KCND3: variants seen among roughly 807,000 people sequenced by gnomAD.
KCND3 encodes potassium voltage-gated channel subfamily D member 3, also known as A-type voltage-gated potassium channel KCND3.
A neutral mutation model predicts 51.1 loss-of-function variants in KCND3; 9 were observed. The observed-to-expected ratio is 0.18, with a 90% CI of 0.11 to 0.31. The LOEUF is 0.31. KCND3 is among the 10% of genes least tolerant of loss of function. The pLI is 1.00. For missense variants in KCND3, 526 were observed against 903.8 expected (o/e 0.58, Z 5.36); for synonymous variants, 349 against 368.0 (o/e 0.95, Z 0.59).
intron 2 of KCND3, among the ~76,000 whole-genome samples, chr1:111,857,362 G>GT (rs1333614241): frequency 6.6e-6 from 1 of 152,164 alleles, no homozygotes. Flanking sequence ...CACGGGGCTG[G>GT]TTTTGCTGAC....
At chr1:111,832,679 C>T (rs996150218) in intron 2 of KCND3, among the ~76,000 whole-genome samples, 1 of 152,124 alleles carries the variant, frequency 6.6e-6, no homozygotes. Flanking sequence ...TTCTGTGTGT[C>T]CCCGCTCCCC....
intron 2 of KCND3, among the ~76,000 whole-genome samples, chr1:111,878,706 CT>C (rs1207879659): frequency 1.1e-4 from 16 of 152,318 alleles, no homozygotes; most frequent in Admixed American, 5.9e-4. Flanking sequence ...CTCCTGCCCC[CT>C]GGAACAGCAG....
Position 111,777,136 on chromosome 1 carries a change from C to G in KCND3, c.1656G>C (p.Lys552Asn). The G allele has an allele frequency of 6.2e-7, 1 of 1,614,176 alleles. No individual in the cohort carries two copies. The highest frequency in any genetic ancestry group is 8.5e-7 in the Non-Finnish European group (1 of 1,180,024). Residue 552 changes from lysine to asparagine, a missense_variant, in exon 7 of 8, where the codon AAG becomes AAC. Lys to Asn is a moderately conservative substitution (Grantham distance 94). This residue lies in a region of KCND3 where 266 missense variants were observed against 305.5 expected (regional missense o/e 0.87). Transcript: ENST00000302127. ...LTTTCCSRRS[K>N]KTTHLPNSNL... ...TAGAATTGGGCAGGTGTGTGGTCTT[C>G]TTACTACGACGGGAGCAGCAGGTGG...
intron 2 of KCND3, among the ~76,000 whole-genome samples, chr1:111,790,853 C>A (rs1009034427): frequency 2.0e-5 from 3 of 152,194 alleles, no homozygotes; most frequent in African/African-American, 7.2e-5. Context: ...TGACTTCTTT[C>A]ACTGACTGTG....
intron 2 of KCND3, among the ~76,000 whole-genome samples, chr1:111,911,307 A>G (rs1670933709): frequency 6.6e-6 from 1 of 152,224 alleles, no homozygotes; most frequent in Non-Finnish European, 1.5e-5. Flanking sequence ...ATTTGGTATT[A>G]GAAGGCAGCA....
At chr1:111,916,053 G>A (rs1340642907) in intron 2 of KCND3, among the ~76,000 whole-genome samples, 1 of 152,114 alleles carries the variant, frequency 6.6e-6, no homozygotes. Context: ...TAAAAGACTT[G>A]AACAATCCCA....
intron 2 of KCND3, among the ~76,000 whole-genome samples, chr1:111,911,244 C>T (rs1408700039): frequency 6.6e-6 from 1 of 152,224 alleles, no homozygotes; most frequent in Admixed American, 6.5e-5. Flanking sequence ...TACTTCCTGG[C>T]TTGAAAGTAC....
At chr1:111,972,784 T>C (rs1205999713) in intron 2 of KCND3, among the ~76,000 whole-genome samples, 1 of 152,262 alleles carries the variant, frequency 6.6e-6, no homozygotes, top group Non-Finnish European at 1.5e-5. Flanking sequence ...TTTCTTTATT[T>C]CTCTATCCCC....
intron 2 of KCND3, among the ~76,000 whole-genome samples, chr1:111,915,443 A>G (rs1671151568): frequency 6.6e-6 from 1 of 152,190 alleles, no homozygotes; most frequent in African/African-American, 2.4e-5. Flanking sequence ...AGATATACCA[A>G]GAAAAGACTG....
intron 3 of KCND3, among the ~76,000 whole-genome samples, chr1:111,785,140 T>C (rs1043617327): frequency 8.6e-5 from 13 of 151,912 alleles, no homozygotes; most frequent in African/African-American, 3.1e-4. Flanking sequence ...CTGTCACTGG[T>C]GTGTGCACAG....
At position 111,780,228 on chromosome 1, in the gene KCND3, G is replaced by T; in HGVS notation, c.1458C>A (p.Thr486=). 6.3e-7 allele frequency: 1 copy of T among 1,584,358 alleles called. No individual in the cohort carries two copies. Among genetic ancestry groups the T allele is most frequent in the Non-Finnish European group, 8.6e-7 (1 of 1,164,388 alleles). Residue 486 remains threonine, a synonymous_variant, in exon 5 of 8, where the codon ACC becomes ACA. Coordinates refer to ENST00000302127, the MANE Select transcript of KCND3 (RefSeq NM_001378969.1). The surrounding 1 kb of genome is among the most constrained non-coding windows in gnomAD (Gnocchi z 4.2). ...HHHLLHCLEK[T]TGLSYLVDDP... ...GTGGCAAAGGGCTGGGACTCACAGT[G>T]GTTTTTTCCAGGCAGTGCAGCAGGT...
intron 2 of KCND3, among the ~76,000 whole-genome samples, chr1:111,976,725 G>A (rs1175092846): frequency 6.6e-6 from 1 of 152,222 alleles, no homozygotes; most frequent in Non-Finnish European, 1.5e-5. Flanking sequence ...GTGGGGCTGA[G>A]TTTGAAGGAT....
intron 2 of KCND3, among the ~76,000 whole-genome samples, chr1:111,873,808 G>A (rs1281976828): frequency 6.6e-6 from 1 of 152,032 alleles, no homozygotes; most frequent in Non-Finnish European, 1.5e-5. Flanking sequence ...TAGCCCCCTT[G>A]CCACTGATGC....
intron 2 of KCND3, among the ~76,000 whole-genome samples, chr1:111,980,578 T>A (rs2101991219): frequency 6.6e-6 from 1 of 152,216 alleles, no homozygotes; most frequent in South Asian, 2.1e-4. Context: ...CCATCAGCAA[T>A]ATAACGCTTC....
chr1:111,882,607 C>T (rs1246770816), intron 2 of KCND3, among the ~76,000 whole-genome samples: 1 of 152,144 alleles, frequency 6.6e-6, no homozygotes, highest in Non-Finnish European at 1.5e-5. Flanking sequence ...CTGAGGCTGG[C>T]TTCTGAGGTG....
chr1:111,959,983 G>A (rs1013589573), intron 2 of KCND3, among the ~76,000 whole-genome samples: 6 of 151,660 alleles, frequency 4.0e-5, no homozygotes, highest in Non-Finnish European at 8.8e-5. Context: ...GTTTTACAAG[G>A]GGCTTCCCCC....
intron 2 of KCND3, among the ~76,000 whole-genome samples, chr1:111,949,247 TTTCTCTTTTGTAAAGTGGA>T (rs1672937310): frequency 6.6e-6 from 1 of 152,216 alleles, no homozygotes; most frequent in African/African-American, 2.4e-5. Flanking sequence ...GGTGCCTTGG[TTTCTCTTTTGTAAAGTGGA>T]GATAATACGG....
intron 2 of KCND3, among the ~76,000 whole-genome samples, chr1:111,940,385 T>C (rs1039687640): frequency 2.3e-4 from 35 of 152,152 alleles, no homozygotes; most frequent in Admixed American, 1.3e-4. Flanking sequence ...CTTTAATCCA[T>C]CTTGAGTTAA....
At chr1:111,958,457 C>CTTCA (rs1673452936) in intron 2 of KCND3, among the ~76,000 whole-genome samples, 1 of 152,202 alleles carries the variant, frequency 6.6e-6, no homozygotes, top group Non-Finnish European at 1.5e-5. Flanking sequence ...GCCCTGTGAG[C>CTTCA]TTCACTTAGT....
Sources: allele counts gnomAD v4.1 joint callset (sites outside exome capture counted in the v4.1 genomes callset), GRCh38; gene constraint gnomAD v4.1.1; regional missense constraint gnomAD v4.1.1; non-coding constraint Gnocchi (gnomAD v3.1); transcripts MANE v1.5; gene names NCBI Gene and HGNC (gene_info 2026-07-23, HGNC 2026-07-21).